The following GUCY1A2 variants were observed in gnomAD, a reference collection of about 807,000 sequenced individuals.
The protein encoded by GUCY1A2 is guanylate cyclase 1 soluble subunit alpha 2.
Under a neutral mutation model 63.5 loss-of-function variants are expected in GUCY1A2, and 27 were observed. The ratio of observed to expected loss-of-function variants is 0.43; its 90% CI spans 0.31 to 0.59. The LOEUF (loss-of-function observed/expected upper bound fraction) is 0.59. Among genes scored for constraint, GUCY1A2 ranks in the 20% least tolerant of loss-of-function variants. The pLI is 0.11. For synonymous variants in GUCY1A2, 364 were observed against 343.5 expected (o/e 1.06, Z -0.66); for missense variants, 768 against 913.3 (o/e 0.84, Z 2.05).
chr11:106,714,337 CAG>C (rs1863180135), intron 6 of GUCY1A2, among the ~76,000 whole-genome samples: 1 of 152,090 alleles, frequency 6.6e-6, no homozygotes, highest in Admixed American at 6.6e-5. Context: ...GAACAGGACT[CAG>C]AGAATTATTT....
At chr11:106,927,867 C>T (rs549534410) in intron 4 of GUCY1A2, among the ~76,000 whole-genome samples, 55 of 152,172 alleles carry the variant, frequency 3.6e-4, no homozygotes, top group Admixed American at 1.8e-3. Flanking sequence ...CCACCACGCC[C>T]GGCCTGGAAT....
At chr11:106,878,759 C>A (rs1355528999) in intron 4 of GUCY1A2, among the ~76,000 whole-genome samples, 1 of 141,616 alleles carries the variant, frequency 7.1e-6, no homozygotes, top group Non-Finnish European at 1.5e-5. Context: ...CAAACCTGCA[C>A]GTGTACCTTT....
In GUCY1A2 at chr11:106,687,566, G is replaced by A. The variant is rs1862548588; in HGVS notation, c.2182C>T (p.Arg728Trp). 2.5e-6 allele frequency: 4 copies of A among 1,613,432 alleles called. No homozygotes were observed. Among genetic ancestry groups the A allele is most frequent in the Non-Finnish European group, 2.5e-6 (3 of 1,179,454 alleles). Residue 728 changes from arginine (R) to tryptophan (W), a missense_variant, in exon 8 of 8, where the codon CGG (arginine) becomes TGG (tryptophan). This residue lies in a region of GUCY1A2 where 150 missense variants were observed against 188.3 expected (regional missense o/e 0.80). Transcript: ENST00000526355. ...VSYNIGTMFL[R>W]ETSL ...AGCAGGTCTCAGAGGCTTGTCTCCCGGAGGAACATGGTGCCGATGTTGTAG... is the reference window on the plus strand; with the variant it reads ...AGCAGGTCTCAGAGGCTTGTCTCCCAGAGGAACATGGTGCCGATGTTGTAG...
intron 2 of GUCY1A2, among the ~76,000 whole-genome samples, chr11:106,981,721 TAGAG>T (rs979727110): frequency 6.6e-5 from 10 of 150,698 alleles, no homozygotes; most frequent in African/African-American, 2.5e-4. Context: ...TCAAGCCCTC[TAGAG>T]ACAGAAATTT....
chr11:106,819,811 G>GA (rs563312523), intron 4 of GUCY1A2, among the ~76,000 whole-genome samples: 25 of 151,436 alleles, frequency 1.7e-4, no homozygotes, highest in African/African-American at 5.1e-4. Flanking sequence ...CCTTACAAAA[G>GA]AAAAAAAATA....
intron 4 of GUCY1A2, chr11:106,827,181 A>G (rs899392804): frequency 4.0e-6 from 6 of 1,505,124 alleles, no homozygotes; most frequent in Non-Finnish European, 2.8e-6. Flanking sequence ...CTTCATGCCA[A>G]TCTGGTCCCA....
intron 4 of GUCY1A2, among the ~76,000 whole-genome samples, chr11:106,864,872 G>T (rs775272413): frequency 2.6e-5 from 4 of 152,004 alleles, no homozygotes; most frequent in Non-Finnish European, 4.4e-5. Flanking sequence ...TTGGCCTGAA[G>T]CTTTCTTTTT....
intron 1 of GUCY1A2, among the ~76,000 whole-genome samples, chr11:107,009,206 T>C (rs971753762): frequency 3.9e-5 from 6 of 152,212 alleles, no homozygotes; most frequent in African/African-American, 7.2e-5. Context: ...GTGTCATATT[T>C]TGGTAAGGTT....
At chr11:106,947,653 T>C (rs578209874) in intron 3 of GUCY1A2, among the ~76,000 whole-genome samples, 1 of 152,136 alleles carries the variant, frequency 6.6e-6, no homozygotes, top group East Asian at 1.9e-4. Context: ...CAGATCACAT[T>C]TTTAATAATA....
At chr11:106,878,689 A>G (rs1247555642) in intron 4 of GUCY1A2, among the ~76,000 whole-genome samples, 1 of 151,694 alleles carries the variant, frequency 6.6e-6, no homozygotes, top group Admixed American at 6.6e-5. Context: ...TAGGCCTAAT[A>G]CATGGTCAAG....
chr11:106,761,653 G>A (rs1478570540), intron 6 of GUCY1A2, among the ~76,000 whole-genome samples: 1 of 152,162 alleles, frequency 6.6e-6, no homozygotes, highest in Non-Finnish European at 1.5e-5. Flanking sequence ...ACAGGAATTA[G>A]TAATTTTGGA....
intron 6 of GUCY1A2, among the ~76,000 whole-genome samples, chr11:106,734,231 C>T (rs1398331777): frequency 1.3e-5 from 2 of 152,108 alleles, no homozygotes; most frequent in Non-Finnish European, 2.9e-5. Flanking sequence ...CTAAACTGCA[C>T]TCCAAATTCT....
Position 106,969,847 on chromosome 11 carries a change from A to T in GUCY1A2, c.487+8772T>A, listed in dbSNP as rs148396626. ...ATAGTTCAAACACTGCCCTCCCCAG[A>T]GGCTAATGGTGTGACCCCATGCAAG... On this transcript the variant is annotated intron_variant, in intron 3 of 7. Transcript: ENST00000526355. Among the ~76,000 whole-genome samples, 44 of 152,282 alleles carry T rather than the reference A, an allele frequency of 2.9e-4. No homozygotes were observed. In the East Asian group the frequency reaches 7.9e-3, roughly 27 times the overall value.
chr11:106,923,627 GA>G (rs1043584018), intron 4 of GUCY1A2, among the ~76,000 whole-genome samples: 2 of 152,170 alleles, frequency 1.3e-5, no homozygotes, highest in African/African-American at 2.4e-5. Flanking sequence ...TTAGGAGAAA[GA>G]TTTTTTTTAA....
chr11:107,013,034 A>G (rs1861770279), intron 1 of GUCY1A2, among the ~76,000 whole-genome samples: 1 of 152,042 alleles, frequency 6.6e-6, no homozygotes, highest in Non-Finnish European at 1.5e-5. Context: ...TTTCCTTGAC[A>G]TGTATTAAGA....
At chr11:106,749,004 A>G (rs1023034481) in intron 6 of GUCY1A2, among the ~76,000 whole-genome samples, 11 of 152,120 alleles carry the variant, frequency 7.2e-5, no homozygotes, top group Admixed American at 5.9e-4. Flanking sequence ...ATGGGCTCAC[A>G]TATACAATGG....
At chr11:106,836,925 C>T (rs1385017160) in intron 4 of GUCY1A2, among the ~76,000 whole-genome samples, 1 of 151,844 alleles carries the variant, frequency 6.6e-6, no homozygotes, top group Non-Finnish European at 1.5e-5. Context: ...TTATAAATTT[C>T]AACTTTTTGC....
At chr11:106,897,128 T>A (rs190962307) in intron 4 of GUCY1A2, among the ~76,000 whole-genome samples, 38 of 152,214 alleles carry the variant, frequency 2.5e-4, no homozygotes, top group Non-Finnish European at 1.5e-5. Flanking sequence ...AAAATACTTA[T>A]AGACCTAAAA....
chr11:106,680,341 T>C lies in GUCY1A2; in HGVS notation c.*7208A>G, dbSNP rs1862411791. Reference sequence around the variant, plus strand: ...GTAAAAATATATTAAGTAGAATTCCTTCTTTATCTGCAAATAGCAAAAAGT... The same window carrying C: ...GTAAAAATATATTAAGTAGAATTCCCTCTTTATCTGCAAATAGCAAAAAGT... On this transcript the variant is annotated 3_prime_UTR_variant, in exon 8 of 8. Transcript: ENST00000526355. 2 of 210,052 alleles carry C rather than the reference T, an allele frequency of 9.5e-6. No individual in the cohort carries two copies. Among genetic ancestry groups the C allele is most frequent in the Admixed American group, 1.2e-4 (2 of 16,984 alleles). The allele number at this position is 210,052 out of a possible 1,614,324, so 13.0% of individuals were successfully genotyped here.
Sources: allele counts gnomAD v4.1 joint callset (sites outside exome capture counted in the v4.1 genomes callset), GRCh38; gene constraint gnomAD v4.1.1; regional missense constraint gnomAD v4.1.1; transcripts MANE v1.5; gene names NCBI Gene and HGNC (gene_info 2026-07-23, HGNC 2026-07-21).